The following CADM1 variants were observed in gnomAD, a reference collection of about 807,000 sequenced individuals.
CADM1 encodes the protein TSLC-1.
A neutral mutation model predicts 53.1 loss-of-function variants in CADM1; 15 were observed. That is an observed-to-expected ratio of 0.28 (90% confidence interval 0.19 to 0.44). The LOEUF is 0.44. Ranked by LOEUF, CADM1 falls within the 20% of genes least tolerant of loss-of-function variation. The pLI is 1.00. For missense variants in CADM1, 434 were observed against 611.3 expected (o/e 0.71, Z 3.06); for synonymous variants, 281 against 243.0 (o/e 1.16, Z -1.45).
At chr11:115,357,198 C>CA (rs759495867) in intron 1 of CADM1, among the ~76,000 whole-genome samples, 1 of 152,180 alleles carries the variant, frequency 6.6e-6, no homozygotes, top group Non-Finnish European at 1.5e-5. Context: ...CAGGCTCCCC[C>CA]AAAGGCATTC....
chr11:115,493,917 C>G (rs746766145), intron 1 of CADM1, among the ~76,000 whole-genome samples: 2 of 152,074 alleles, frequency 1.3e-5, no homozygotes, highest in Non-Finnish European at 1.5e-5. Flanking sequence ...GAGACCATAT[C>G]CAATGTGTGA....
intron 1 of CADM1, among the ~76,000 whole-genome samples, chr11:115,357,771 A>AAGTATTAAACTATGTTTAATAT (rs372108717): frequency 2.3e-4 from 35 of 152,268 alleles, no homozygotes; most frequent in East Asian, 5.8e-4. Flanking sequence ...ACTTACTCAA[A>AAGTATTAAACTATGTTTAATAT]AGTATTAAAC....
intron 1 of CADM1, among the ~76,000 whole-genome samples, chr11:115,448,612 A>C (rs1411787136): frequency 1.3e-5 from 2 of 151,728 alleles, no homozygotes; most frequent in Non-Finnish European, 2.9e-5. Flanking sequence ...AATTATAGAA[A>C]ACAGAACATT....
intron 8 of CADM1, among the ~76,000 whole-genome samples, chr11:115,207,609 T>G (rs112432888): frequency 4.6e-5 from 7 of 151,452 alleles, no homozygotes; most frequent in African/African-American, 1.7e-4. Context: ...CATAAGCTAG[T>G]GAGAAGGCCA....
At chr11:115,212,078 G>T (rs906793602) in intron 7 of CADM1, among the ~76,000 whole-genome samples, 3 of 152,156 alleles carry the variant, frequency 2.0e-5, no homozygotes, top group Non-Finnish European at 4.4e-5. Context: ...TAACTTCAGT[G>T]CTTAGATCAT....
At chr11:115,334,337 C>T (rs888728054) in intron 1 of CADM1, among the ~76,000 whole-genome samples, 2 of 152,026 alleles carry the variant, frequency 1.3e-5, no homozygotes, top group Non-Finnish European at 1.5e-5. Flanking sequence ...TGGTATCAAC[C>T]AATGACTAAA....
At chr11:115,314,766 G>A (rs763314748) in intron 1 of CADM1, among the ~76,000 whole-genome samples, 23 of 152,094 alleles carry the variant, frequency 1.5e-4, no homozygotes, top group Non-Finnish European at 2.8e-4. Context: ...CCCACCAAGC[G>A]TTCATTCACA....
intron 1 of CADM1, among the ~76,000 whole-genome samples, chr11:115,454,289 T>TA (rs951097850): frequency 1.3e-5 from 2 of 152,264 alleles, no homozygotes; most frequent in East Asian, 1.9e-4. Flanking sequence ...GGCACTTGGC[T>TA]AAAAATAGCA....
chr11:115,454,818 T>C (rs1019278882), intron 1 of CADM1, among the ~76,000 whole-genome samples: 7 of 152,226 alleles, frequency 4.6e-5, no homozygotes, highest in African/African-American at 1.7e-4. Flanking sequence ...TCAGTCAATT[T>C]CATCCTAAAA....
At chr11:115,353,152 A>C (rs936066320) in intron 1 of CADM1, among the ~76,000 whole-genome samples, 4 of 152,226 alleles carry the variant, frequency 2.6e-5, no homozygotes, top group Non-Finnish European at 4.4e-5. Context: ...TTTTTGTTCA[A>C]GAAAAACGGA....
At chr11:115,270,325 A>C (rs1308240080) in intron 1 of CADM1, among the ~76,000 whole-genome samples, 1 of 152,208 alleles carries the variant, frequency 6.6e-6, no homozygotes, top group African/African-American at 2.4e-5. Flanking sequence ...GAGCTACTTT[A>C]CCATATTTAT....
intron 1 of CADM1, among the ~76,000 whole-genome samples, chr11:115,330,351 A>G (rs1168363671): frequency 6.6e-6 from 1 of 152,182 alleles, no homozygotes; most frequent in Non-Finnish European, 1.5e-5. Context: ...TGTCTCATAA[A>G]GGAAAATTGT....
At chr11:115,244,891 G>A (rs1022364148) in intron 1 of CADM1, among the ~76,000 whole-genome samples, 6 of 152,132 alleles carry the variant, frequency 3.9e-5, no homozygotes, top group Admixed American at 2.0e-4. Flanking sequence ...TTCAGTGCTC[G>A]GCACTCTGCC....
At chr11:115,390,598 A>C (rs1946811307) in intron 1 of CADM1, among the ~76,000 whole-genome samples, 1 of 151,950 alleles carries the variant, frequency 6.6e-6, no homozygotes, top group Non-Finnish European at 1.5e-5. Flanking sequence ...GGCTGAAAGG[A>C]AAACTGAAAC....
At chr11:115,494,145 G>A (rs1287994987) in intron 1 of CADM1, among the ~76,000 whole-genome samples, 2 of 152,076 alleles carry the variant, frequency 1.3e-5, no homozygotes, top group African/African-American at 4.8e-5. Context: ...GAGAGAGAGA[G>A]AGAAAGCAAA....
chr11:115,396,804 AC>A (rs1163338016), intron 1 of CADM1: 1 of 152,146 alleles, frequency 6.6e-6, no homozygotes, highest in African/African-American at 2.4e-5. Context: ...CTATGGGAAT[AC>A]TAAACATTAC....
intron 1 of CADM1, among the ~76,000 whole-genome samples, chr11:115,325,740 T>C (rs988419205): frequency 1.3e-5 from 2 of 152,126 alleles, no homozygotes; most frequent in African/African-American, 4.8e-5. Flanking sequence ...GGAGTCTAAA[T>C]CACCAAGAGC....
At position 115,469,919 on chromosome 11, in the gene CADM1, C is replaced by T. The variant is rs535863093; in HGVS notation, c.124+34352G>A. Among the ~76,000 whole-genome samples, 11 of 152,228 alleles carry T rather than the reference C, an allele frequency of 7.2e-5. No individual in the cohort carries two copies. The East Asian group carries it at 1.7e-3, about 24-fold the overall frequency. The stretch of plus-strand genomic sequence containing the variant: ...ACTCCTGACCTCAGGTCATCCCACC[C>T]GCCTCGGCCTCCCAAATTGCTGGGA... On this transcript the variant is annotated intron_variant, in intron 1 of 11. Coordinates refer to ENST00000331581, the MANE Select transcript of CADM1 (RefSeq NM_001301043.2).
intron 5 of CADM1, among the ~76,000 whole-genome samples, chr11:115,219,523 T>C (rs1225314753): frequency 6.6e-6 from 1 of 152,126 alleles, no homozygotes; most frequent in East Asian, 1.9e-4. Context: ...GCCCAGAAGC[T>C]CCAGCTGACC....
Sources: gnomAD v4.1 joint callset for allele counts (sites outside exome capture counted in the v4.1 genomes callset) on GRCh38, gnomAD v4.1.1 for gene constraint, MANE v1.5 for transcripts, NCBI Gene and HGNC (gene_info 2026-07-23, HGNC 2026-07-21) for gene names.